PHLDB2: variants seen among roughly 807,000 people sequenced by gnomAD.
The protein encoded by PHLDB2 is pleckstrin homology-like domain family B member 2.
In PHLDB2, 71 loss-of-function variants were observed where a neutral mutation model predicts 123.6. The observed-to-expected ratio is 0.57, with a 90% CI of 0.47 to 0.70. PHLDB2 has a LOEUF of 0.70. Among genes scored for constraint, PHLDB2 ranks in the 30% least tolerant of loss-of-function variants. The pLI, the probability that PHLDB2 is intolerant of heterozygous loss-of-function variation, is 0.00. For synonymous variants in PHLDB2, 547 were observed against 541.6 expected (o/e 1.01, Z -0.14); for missense variants, 1,446 against 1,519.5 (o/e 0.95, Z 0.80).
At chr3:111,889,169 C>A (rs1212033380) in intron 2 of PHLDB2, among the ~76,000 whole-genome samples, 1 of 152,146 alleles carries the variant, frequency 6.6e-6, no homozygotes, top group Non-Finnish European at 1.5e-5. Context: ...TTCAGGTAAA[C>A]TAATCTCTTC....
chr3:111,877,312 A>G (rs1342277579), intron 1 of PHLDB2, among the ~76,000 whole-genome samples: 1 of 152,348 alleles, frequency 6.6e-6, no homozygotes, highest in East Asian at 1.9e-4. Flanking sequence ...GCATTTCTCT[A>G]ATGACCAGTG....
intron 2 of PHLDB2, among the ~76,000 whole-genome samples, chr3:111,905,452 G>A (rs141167517): frequency 0.021 from 3,157 of 152,072 alleles, 130 homozygotes; most frequent in African/African-American, 0.072. Flanking sequence ...TGCCTCCCAG[G>A]CTCAAGTGAT....
At chr3:111,850,841 A>C (rs958221734) in intron 2 of PHLDB2, among the ~76,000 whole-genome samples, 1 of 152,232 alleles carries the variant, frequency 6.6e-6, no homozygotes, top group Non-Finnish European at 1.5e-5. Flanking sequence ...AATGCTTCAA[A>C]CAACCATTTA....
chr3:111,912,131 A>C lies in PHLDB2; in HGVS notation c.1336-1188A>C, dbSNP rs529138287. Reference sequence around the variant, plus strand: ...ATCACAATAGATGGTTTTTGTTTTTAGTTCTTTTTTCACTTTGGCCTTGGA... The same window carrying C: ...ATCACAATAGATGGTTTTTGTTTTTCGTTCTTTTTTCACTTTGGCCTTGGA... On this transcript the variant is annotated intron_variant, in intron 2 of 17. Transcript: ENST00000431670. 5.2e-4 allele frequency among the ~76,000 whole-genome samples: 79 copies of C among 152,290 alleles called. No individual in the cohort carries two copies. In the South Asian group the frequency reaches 8.9e-3, roughly 17 times the overall value.
chr3:111,831,034 G>GAAAGGAAGA (rs1559855393), intron 1 of PHLDB2, among the ~76,000 whole-genome samples: 8 of 46,170 alleles, frequency 1.7e-4, no homozygotes, highest in African/African-American at 5.8e-4. Context: ...AGAAAGAAAG[G>GAAAGGAAGA]AAGGAAGGAA....
At chr3:111,752,556 T>A (rs1487992091) in intron 1 of PHLDB2, among the ~76,000 whole-genome samples, 1 of 151,886 alleles carries the variant, frequency 6.6e-6, no homozygotes, top group Non-Finnish European at 1.5e-5. Flanking sequence ...GCTGTTAGTA[T>A]ATAAATGTCA....
Position 111,884,970 on chromosome 3 carries a change from A to G in PHLDB2, c.893A>G (p.Asn298Ser), listed in dbSNP as rs758950523. 3 of 1,614,062 alleles carry G rather than the reference A, an allele frequency of 1.9e-6. No homozygotes were observed. Among genetic ancestry groups the G allele is most frequent in the Non-Finnish European group, 2.5e-6 (3 of 1,179,978 alleles). The change falls in exon 2 of 18, where the codon AAT (asparagine) becomes AGT (serine). Residue 298 changes from asparagine (N) to serine (S), a missense_variant. Asn to Ser is a conservative substitution (Grantham distance 46). Around this residue, in one of 3 missense-constraint regions of PHLDB2, gnomAD observed 832 missense variants for 831.9 expected, o/e 1.00. Coordinates refer to ENST00000431670, the MANE Select transcript of PHLDB2 (RefSeq NM_001134438.2). ...EKDLPHSVID[N>S]DNYLNFSSLS... ...GATCTACCTCATAGCGTAATAGACAATGACAATTACCTTAATTTTTCTTCT... is the reference window on the plus strand; with the variant it reads ...GATCTACCTCATAGCGTAATAGACAGTGACAATTACCTTAATTTTTCTTCT...
At chr3:111,760,734 A>G (rs1381196259) in intron 1 of PHLDB2, among the ~76,000 whole-genome samples, 2 of 152,078 alleles carry the variant, frequency 1.3e-5, no homozygotes, top group East Asian at 1.9e-4. Flanking sequence ...GAGGCTGAGA[A>G]GCAAAATTTG....
intron 1 of PHLDB2, among the ~76,000 whole-genome samples, chr3:111,866,075 A>C (rs370233194): frequency 1.7e-5 from 2 of 117,076 alleles, no homozygotes; most frequent in East Asian, 6.2e-4. Flanking sequence ...GCTGGAGTAC[A>C]GTGGTGCGAT....
chr3:111,733,821 G>T (rs1001142627), intron 1 of PHLDB2, among the ~76,000 whole-genome samples: 6 of 152,144 alleles, frequency 3.9e-5, no homozygotes, highest in African/African-American at 1.2e-4. Context: ...TTGTCATATG[G>T]TCACCACATA....
intron 2 of PHLDB2, among the ~76,000 whole-genome samples, chr3:111,894,447 A>G (rs1259895131): frequency 1.3e-5 from 2 of 151,834 alleles, no homozygotes; most frequent in African/African-American, 4.8e-5. Context: ...GGCTGGGTCA[A>G]ATGGTATTTC....
chr3:111,795,757 C>G (rs997685024), intron 1 of PHLDB2, among the ~76,000 whole-genome samples: 2 of 152,080 alleles, frequency 1.3e-5, no homozygotes, highest in African/African-American at 2.4e-5. Flanking sequence ...CGGAGTCTTG[C>G]TCCGTCACCC....
chr3:111,920,570 A>G (rs2068438379), intron 5 of PHLDB2, 151 bp downstream of exon 5: 2 of 986,006 alleles, frequency 2.0e-6, no homozygotes, highest in Admixed American at 2.9e-5. Flanking sequence ...CTAAGATCAT[A>G]CATTGTCAGA....
At chr3:111,920,141 T>C (rs2068416353) in intron 4 of PHLDB2, 141 bp from the exon 5 acceptor site, 1 of 816,616 alleles carries the variant, frequency 1.2e-6, no homozygotes, top group Admixed American at 3.1e-5. Context: ...ATGGGCTCTC[T>C]GGAGTGTTCT....
intron 1 of PHLDB2, among the ~76,000 whole-genome samples, chr3:111,764,391 G>A (rs2060043424): frequency 6.6e-6 from 1 of 152,170 alleles, no homozygotes; most frequent in Non-Finnish European, 1.5e-5. Flanking sequence ...CACAGACAGA[G>A]TACATGGTAA....
At chr3:111,851,766 C>T (rs553151874) in intron 2 of PHLDB2, among the ~76,000 whole-genome samples, 7 of 152,144 alleles carry the variant, frequency 4.6e-5, no homozygotes, top group South Asian at 2.1e-4. Context: ...GTATTCGATG[C>T]GAAGCCTAAA....
chr3:111,738,838 T>C (rs2059552406), intron 1 of PHLDB2, among the ~76,000 whole-genome samples: 1 of 152,114 alleles, frequency 6.6e-6, no homozygotes, highest in African/African-American at 2.4e-5. Context: ...GAATCAGAAG[T>C]GTTAACCATT....
intron 1 of PHLDB2, among the ~76,000 whole-genome samples, chr3:111,793,124 GC>G (rs1167622099): frequency 1.3e-5 from 2 of 152,202 alleles, no homozygotes; most frequent in East Asian, 3.9e-4. Context: ...CAGGGGGCAA[GC>G]TTCCCCCACC....
intron 2 of PHLDB2, among the ~76,000 whole-genome samples, chr3:111,911,375 T>G (rs892894659): frequency 1.3e-5 from 2 of 152,244 alleles, no homozygotes; most frequent in African/African-American, 4.8e-5. Flanking sequence ...GCCTCTAATA[T>G]AGATGCTATT....
Sources: gnomAD v4.1 joint callset for allele counts (sites outside exome capture counted in the v4.1 genomes callset) on GRCh38, gnomAD v4.1.1 for gene constraint, gnomAD v4.1.1 regional missense constraint, MANE v1.5 for transcripts, NCBI Gene and HGNC (gene_info 2026-07-23, HGNC 2026-07-21) for gene names.